TMEM128: variants seen among roughly 807,000 people sequenced by gnomAD.
The protein encoded by TMEM128 is transmembrane protein 128.
Under a neutral mutation model 19.7 loss-of-function variants are expected in TMEM128, and 16 were observed. The observed-to-expected ratio is 0.81, with a 90% CI of 0.55 to 1.23. The LOEUF (loss-of-function observed/expected upper bound fraction) is 1.23. Among genes scored for constraint, TMEM128 ranks in the 50% most tolerant of loss-of-function variants. The pLI is 0.00. For synonymous variants in TMEM128, 98 were observed against 75.8 expected, an observed-to-expected ratio of 1.29 and a Z score of -1.52; for missense variants, 237 against 200.8, an observed-to-expected ratio of 1.18 and a Z score of -1.09.
At chr4:4,236,416 T>C (rs1717722609) in intron 4 of TMEM128, among the ~76,000 whole-genome samples, 160 bp from the exon 5 acceptor site, 1 of 152,210 alleles carries the variant, frequency 6.6e-6, no homozygotes, top group African/African-American at 2.4e-5. Flanking sequence ...CCATTACCAA[T>C]TATAACTTCA....
At position 4,240,477 on chromosome 4, in the gene TMEM128, C is replaced by T; in HGVS notation, c.242G>A (p.Trp81Ter). 1 of 1,611,622 alleles carries T rather than the reference C, an allele frequency of 6.2e-7. No homozygotes were observed. Among genetic ancestry groups the T allele is most frequent in the Middle Eastern group, 1.7e-4 (1 of 6,054 alleles). ...TLKENFHTSS[W>*]FLCGSALLLV... ...CAACAAGGCACTGCCACAGAGAAAC[C>T]AGCTGTGGAGATAAAAACAGTAAGA... is the stretch of plus-strand genomic sequence containing the variant. The change falls in exon 3 of 5, where the codon TGG becomes TAG. Residue 81 changes from tryptophan to a stop codon, truncating the protein, a stop_gained and splice_region_variant. Coordinates refer to ENST00000382753, the MANE Select transcript of TMEM128 (RefSeq NM_001297551.2). LOFTEE classifies it high-confidence loss of function.
rs145318471 is a variant in TMEM128 at position 4,242,610 on chromosome 4, C to T, written c.240-2131G>A. Among the ~76,000 whole-genome samples, 544 of 152,042 alleles carry T rather than the reference C, an allele frequency of 3.6e-3. 5 individuals carry two copies. The highest frequency in any genetic ancestry group is 0.025 in the South Asian group (120 of 4,812). On this transcript the variant is annotated intron_variant, in intron 2 of 4. Coordinates refer to ENST00000382753, the MANE Select transcript of TMEM128 (RefSeq NM_001297551.2). ...CTCGGCTCACTGCAACCTCCACTTCCCAGGTTCAAGCTATCCTCCTGCCTC... is the reference window on the plus strand; with the variant it reads ...CTCGGCTCACTGCAACCTCCACTTCTCAGGTTCAAGCTATCCTCCTGCCTC...
intron 2 of TMEM128, 70 bp from the exon 3 acceptor site, chr4:4,240,549 C>G: frequency 4.7e-6 from 7 of 1,497,452 alleles, no homozygotes; most frequent in Non-Finnish European, 9.0e-7. Flanking sequence ...AAAGTTTTTA[C>G]TAATAGCTTA....
chr4:4,242,940 C>G (rs530974486), intron 2 of TMEM128, among the ~76,000 whole-genome samples: 29 of 152,290 alleles, frequency 1.9e-4, no homozygotes, highest in African/African-American at 6.7e-4. Context: ...TCCCCAGTTT[C>G]CAAAATTCTG....
intron 2 of TMEM128, among the ~76,000 whole-genome samples, chr4:4,242,394 TTATC>T (rs1717994491): frequency 1.3e-5 from 2 of 151,992 alleles, no homozygotes. Context: ...ATGATATAGT[TTATC>T]TAATTCCACA....
intron 3 of TMEM128, among the ~76,000 whole-genome samples, chr4:4,239,115 C>T (rs1244854472): frequency 2.6e-5 from 4 of 152,146 alleles, no homozygotes; most frequent in Admixed American, 6.5e-5. Flanking sequence ...AAGTAGTTTT[C>T]TTTCTGGTTG....
At chr4:4,243,369 A>C (rs920854085) in intron 2 of TMEM128, among the ~76,000 whole-genome samples, 2 of 152,214 alleles carry the variant, frequency 1.3e-5, no homozygotes, top group Non-Finnish European at 2.9e-5. Context: ...GGCGTGAGCC[A>C]CCGCGCCTGG....
In TMEM128 at chr4:4,240,475, A is replaced by T; in HGVS notation, c.244T>A (p.Phe82Ile). The change falls in exon 3 of 5, where the codon TTT becomes ATT. Residue 82 changes from phenylalanine (F) to isoleucine (I), a missense_variant. By Grantham distance (21) the Phe-to-Ile change is conservative. Transcript: ENST00000382753. ...AGCAACAAGGCACTGCCACAGAGAA[A>T]CCAGCTGTGGAGATAAAAACAGTAA... The part of the protein sequence containing the change: ...LKENFHTSSW[F>I]LCGSALLLVS... 1 of 1,612,734 alleles carries T rather than the reference A, an allele frequency of 6.2e-7. No homozygotes were observed. The highest frequency in any genetic ancestry group is 1.3e-5 in the African/African-American group (1 of 74,978).
intron 1 of TMEM128, chr4:4,247,772 C>G (rs1718250550): frequency 6.7e-7 from 1 of 1,499,458 alleles, no homozygotes; most frequent in African/African-American, 1.4e-5. Flanking sequence ...TTCGCTATTA[C>G]AAGCAATCCT....
At position 4,248,150 on chromosome 4, in the gene TMEM128, G is replaced by A. The variant is rs982767572; in HGVS notation, c.53C>T (p.Pro18Leu). The change falls in exon 1 of 5, where the codon CCG becomes CTG. Residue 18 changes from proline (P) to leucine (L), a missense_variant. By Grantham distance (98) the Pro-to-Leu change is moderately conservative. Transcript: ENST00000382753. ...GCGGTCCAGCTGGGCCTCGGCGTCC[G>A]GCAGGAGGAGGAATCGCCGCCGGAG... ...QQLRRRFLLL[P>L]DAEAQLDREG... 5.9e-6 allele frequency: 9 copies of A among 1,534,056 alleles called. No individual in the cohort carries two copies. Among genetic ancestry groups the A allele is most frequent in the Admixed American group, 4.0e-5 (2 of 50,472 alleles).
Position 4,244,260 on chromosome 4 carries a change from G to A in TMEM128, c.239+1942C>T, listed in dbSNP as rs532079040. On this transcript the variant is annotated intron_variant, in intron 2 of 4. Coordinates refer to ENST00000382753, the MANE Select transcript of TMEM128 (RefSeq NM_001297551.2). ...GGAAGTCAAGGTGGGAGGATCACTG[G>A]AGCCCACAAGTTTGAGACCAGCCTG... Among the ~76,000 whole-genome samples the A allele has an allele frequency of 2.0e-5, 3 of 152,202 alleles. No homozygotes were observed. In the South Asian group the frequency reaches 6.2e-4, roughly 32 times the overall value.
rs772583191 is a variant in TMEM128 at position 4,247,632 on chromosome 4, G to C, written c.97+474C>G. 1.9e-6 allele frequency: 3 copies of C among 1,614,098 alleles called. No individual in the cohort carries two copies. In the African/African-American group the frequency reaches 4.0e-5, roughly 22 times the overall value. On this transcript the variant is annotated intron_variant, in intron 1 of 4. Coordinates refer to ENST00000382753, the MANE Select transcript of TMEM128 (RefSeq NM_001297551.2). ...TGTACCCAAATGGCGGCATACCATA[G>C]TGTTCCACACTTCCCTTTGAAAATC...
At chr4:4,247,858 G>A (rs1718255570) in intron 1 of TMEM128, 14 of 1,427,986 alleles carry the variant, frequency 9.8e-6, no homozygotes, top group Non-Finnish European at 1.3e-5. Flanking sequence ...ACTTAAAACT[G>A]GTGGGTATTT....
At chr4:4,247,637 C>A (rs760249635) in intron 1 of TMEM128, 4 of 1,614,072 alleles carry the variant, frequency 2.5e-6, no homozygotes, top group Non-Finnish European at 3.4e-6. Flanking sequence ...CCATAGTGTT[C>A]CACACTTCCC....
chr4:4,244,139 C>A (rs1020045906), intron 2 of TMEM128, among the ~76,000 whole-genome samples: 8 of 152,152 alleles, frequency 5.3e-5, no homozygotes, highest in African/African-American at 1.9e-4. Context: ...CATAAAGTAT[C>A]TGATGAAGGA....
chr4:4,245,249 A>T (rs1467615453), intron 2 of TMEM128, among the ~76,000 whole-genome samples: 1 of 152,142 alleles, frequency 6.6e-6, no homozygotes, highest in Non-Finnish European at 1.5e-5. Flanking sequence ...CTAGGATATG[A>T]TTCCAACCCT....
In TMEM128 at chr4:4,240,606, TAAAC is replaced by T. The variant is rs1717915245; in HGVS notation, c.240-131_240-128del. 2.9e-6 allele frequency: 3 copies of T among 1,021,162 alleles called. No homozygotes were observed. The East Asian group carries it at 7.8e-5, about 27-fold the overall frequency. 63.3% of individuals were successfully genotyped at this position (1,021,162 alleles called of 1,614,324 possible). A position where few individuals can be genotyped will look rare whatever the true frequency, so the allele number is the denominator to read the frequency against. On this transcript the variant is annotated intron_variant, in intron 2 of 4. Transcript: ENST00000382753. ...CAAGTGTTGCAGAGGGAGCCATACT[TAAAC>T]AATCCATGCTTTCAGAAAGTCTCAA...
At chr4:4,240,266 G>A (rs1475298851) in intron 3 of TMEM128, 55 bp downstream of exon 3, 3 of 1,582,954 alleles carry the variant, frequency 1.9e-6, no homozygotes, top group South Asian at 1.1e-5. Flanking sequence ...ATCACTATCT[G>A]ATCAAAAAAA....
At chr4:4,246,753 A>T (rs1022213541) in intron 1 of TMEM128, among the ~76,000 whole-genome samples, 260 of 148,946 alleles carry the variant, frequency 1.7e-3, no homozygotes, top group African/African-American at 6.2e-3. Flanking sequence ...TTATAACTAA[A>T]TTTTTTTTTT....
Sources: gnomAD v4.1 joint callset for allele counts (sites outside exome capture counted in the v4.1 genomes callset) on GRCh38, gnomAD v4.1.1 for gene constraint, MANE v1.5 for transcripts, NCBI Gene and HGNC (gene_info 2026-07-23, HGNC 2026-07-21) for gene names.